The following CACNA2D1 variants were observed in gnomAD, a reference collection of about 807,000 sequenced individuals.
The protein encoded by CACNA2D1 is voltage-dependent calcium channel subunit alpha-2/delta-1.
Under a neutral mutation model 171.5 loss-of-function variants are expected in CACNA2D1, and 53 were observed. The observed-to-expected ratio is 0.31, with a 90% CI of 0.25 to 0.39. The LOEUF (loss-of-function observed/expected upper bound fraction) is 0.39. Among genes scored for constraint, CACNA2D1 ranks in the 10% least tolerant of loss-of-function variants. The pLI is 1.00. For synonymous variants in CACNA2D1, 442 were observed against 443.1 expected (o/e 1.00, Z 0.03); for missense variants, 903 against 1,299.8 (o/e 0.69, Z 4.69).
chr7:82,287,838 A>G (rs950527925), intron 3 of CACNA2D1, among the ~76,000 whole-genome samples: 1 of 144,480 alleles, frequency 6.9e-6, no homozygotes, highest in Admixed American at 6.9e-5. Context: ...TTATCTCCTT[A>G]CTTTTTTTTG....
At chr7:82,066,819 G>C (rs1242073931) in intron 7 of CACNA2D1, among the ~76,000 whole-genome samples, 3 of 152,080 alleles carry the variant, frequency 2.0e-5, no homozygotes, top group Admixed American at 1.3e-4. Context: ...TAGGTGTCCA[G>C]AGGTTATAAT....
chr7:82,028,678 A>T (rs978509901), intron 12 of CACNA2D1: 7 of 151,860 alleles, frequency 4.6e-5, no homozygotes, highest in African/African-American at 1.4e-4. Context: ...AGTTGATTTC[A>T]ACCCTTGTGG....
At chr7:82,257,763 G>T (rs1203032833) in intron 3 of CACNA2D1, among the ~76,000 whole-genome samples, 1 of 152,148 alleles carries the variant, frequency 6.6e-6, no homozygotes, top group Non-Finnish European at 1.5e-5. Context: ...ACTGGTGTAA[G>T]AAATTTGAAA....
At chr7:82,303,824 G>T (rs1813359391) in intron 3 of CACNA2D1, among the ~76,000 whole-genome samples, 1 of 152,020 alleles carries the variant, frequency 6.6e-6, no homozygotes, top group Non-Finnish European at 1.5e-5. Flanking sequence ...TCTAAGGCCA[G>T]GACCTTAAAA....
At chr7:81,994,114 G>T (rs564366336) in intron 20 of CACNA2D1, among the ~76,000 whole-genome samples, 2 of 152,194 alleles carry the variant, frequency 1.3e-5, no homozygotes, top group South Asian at 4.1e-4. Flanking sequence ...GAAATGATGA[G>T]ATTGTGAGGA....
chr7:82,202,921 G>A (rs930652272), intron 3 of CACNA2D1, among the ~76,000 whole-genome samples: 1 of 152,122 alleles, frequency 6.6e-6, no homozygotes, highest in African/African-American at 2.4e-5. Flanking sequence ...TGGCCAGGTT[G>A]ACAGAGAGAA....
Position 82,334,918 on chromosome 7 carries a change from C to T in CACNA2D1, c.294+217G>A, listed in dbSNP as rs4732442. Among the ~76,000 whole-genome samples, 52,289 of 151,472 alleles carry T rather than the reference C, an allele frequency of 0.35. 9,434 individuals carry two copies. The highest frequency in any genetic ancestry group is 0.5 in the Middle Eastern group (144 of 290). ...ACATATACATATAATCAATTAAACA[C>T]AGATTATTAAAATATAATAGTAATA... is the stretch of plus-strand genomic sequence containing the variant. On this transcript the variant is annotated intron_variant, in intron 3 of 38. Coordinates refer to ENST00000356860, the MANE Select transcript of CACNA2D1 (RefSeq NM_000722.4).
At chr7:82,026,708 G>A (rs1801966578) in intron 12 of CACNA2D1, among the ~76,000 whole-genome samples, 1 of 151,822 alleles carries the variant, frequency 6.6e-6, no homozygotes, top group Non-Finnish European at 1.5e-5. Context: ...AGGCAATAAA[G>A]TTAGAACATG....
intron 19 of CACNA2D1, among the ~76,000 whole-genome samples, 155 bp downstream of exon 19, chr7:81,997,024 T>C (rs954585545): frequency 2.0e-5 from 3 of 152,076 alleles, no homozygotes; most frequent in Admixed American, 6.6e-5. Flanking sequence ...AAACCTAGGA[T>C]CTAGAAAATT....
chr7:82,328,527 T>C (rs950654515), intron 3 of CACNA2D1, among the ~76,000 whole-genome samples: 2 of 152,166 alleles, frequency 1.3e-5, no homozygotes, highest in African/African-American at 2.4e-5. Context: ...TAATATTCCT[T>C]CTGTCCCAAG....
intron 38 of CACNA2D1, among the ~76,000 whole-genome samples, chr7:81,951,988 T>G (rs1001459627): frequency 1.8e-4 from 21 of 117,296 alleles, no homozygotes; most frequent in South Asian, 2.8e-4. Flanking sequence ...TTTTTTTTTT[T>G]TTTAACCACA....
chr7:82,170,546 T>C lies in CACNA2D1; in HGVS notation c.354+4A>G. 1 of 1,611,160 alleles carries C rather than the reference T, an allele frequency of 6.2e-7. No individual in the cohort carries two copies. The highest frequency in any genetic ancestry group is 8.5e-7 in the Non-Finnish European group (1 of 1,177,672). On this transcript the variant is annotated splice_donor_region_variant and intron_variant, in intron 4 of 38. Transcript: ENST00000356860. ...TAAATCAAGTAGTTAAAAGGGGTTC[T>C]TACTGCAAAATCTTCTCTCCACTGG... is the stretch of plus-strand genomic sequence containing the variant.
chr7:82,352,703 T>A (rs970644928), intron 1 of CACNA2D1, among the ~76,000 whole-genome samples: 1 of 152,180 alleles, frequency 6.6e-6, no homozygotes, highest in East Asian at 1.9e-4. Context: ...AGTAGTGGTA[T>A]GAGACGGTTG....
intron 3 of CACNA2D1, among the ~76,000 whole-genome samples, chr7:82,269,316 A>T (rs970237114): frequency 8.5e-5 from 13 of 152,170 alleles, no homozygotes; most frequent in African/African-American, 3.1e-4. Flanking sequence ...CATTTTACAG[A>T]CAAGCCATAG....
chr7:82,224,313 C>A (rs371966474), intron 3 of CACNA2D1, among the ~76,000 whole-genome samples: 3 of 152,246 alleles, frequency 2.0e-5, no homozygotes, highest in Admixed American at 6.5e-5. Context: ...TTTGGCCGGG[C>A]GCAGTGGCTC....
At chr7:82,426,184 TA>T (rs1182259426) in intron 1 of CACNA2D1, among the ~76,000 whole-genome samples, 1 of 142,464 alleles carries the variant, frequency 7.0e-6, no homozygotes, top group Non-Finnish European at 1.5e-5. Flanking sequence ...AATAAATACA[TA>T]AATTCTATTT....
At chr7:81,989,556 A>C (rs1327343120) in intron 21 of CACNA2D1, among the ~76,000 whole-genome samples, 1 of 151,716 alleles carries the variant, frequency 6.6e-6, no homozygotes, top group East Asian at 2.0e-4. Flanking sequence ...GAAGTGATCA[A>C]GAGTCATCTA....
chr7:82,265,416 C>CTTTTT (rs765047961), intron 3 of CACNA2D1, among the ~76,000 whole-genome samples: 1,277 of 77,050 alleles, frequency 0.017, 26 homozygotes, highest in Middle Eastern at 0.037. Flanking sequence ...TTTTTCCTTT[C>CTTTTT]TTTTTTTTTT....
chr7:82,375,296 T>C (rs1346207099), intron 1 of CACNA2D1, among the ~76,000 whole-genome samples: 1 of 152,174 alleles, frequency 6.6e-6, no homozygotes, highest in Non-Finnish European at 1.5e-5. Context: ...CAGTCACTGG[T>C]GGCTGCTTGC....
Sources: gnomAD v4.1 joint callset for allele counts (sites outside exome capture counted in the v4.1 genomes callset) on GRCh38, gnomAD v4.1.1 for gene constraint, MANE v1.5 for transcripts, NCBI Gene and HGNC (gene_info 2026-07-23, HGNC 2026-07-21) for gene names.